CCDC146: variants seen among roughly 807,000 people sequenced by gnomAD.
The protein encoded by CCDC146 is coiled-coil domain-containing protein 146.
Under a neutral mutation model 119.3 loss-of-function variants are expected in CCDC146, and 92 were observed. The ratio of observed to expected loss-of-function variants is 0.77; its 90% CI spans 0.65 to 0.92. CCDC146 has a LOEUF of 0.92. CCDC146 is among the 40% of genes least tolerant of loss of function. CCDC146 has a pLI of 0.00. For synonymous variants in CCDC146, 372 were observed against 371.8 expected, an observed-to-expected ratio of 1.00 and a Z score of -0.01; for missense variants, 1,000 against 1,103.0, an observed-to-expected ratio of 0.91 and a Z score of 1.32.
At chr7:77,135,609 G>A (rs1790851005) in intron 1 of CCDC146, among the ~76,000 whole-genome samples, 1 of 152,136 alleles carries the variant, frequency 6.6e-6, no homozygotes, top group Admixed American at 6.5e-5. Context: ...GTTATGCATT[G>A]TCTTGCTTAA....
intron 9 of CCDC146, among the ~76,000 whole-genome samples, chr7:77,263,619 A>G (rs775880615): frequency 4.6e-4 from 70 of 152,240 alleles, no homozygotes; most frequent in Admixed American, 9.8e-4. Flanking sequence ...GATGGCACTT[A>G]TAATCTTTTC....
chr7:77,149,148 G>C (rs1791069624), intron 1 of CCDC146, among the ~76,000 whole-genome samples: 1 of 152,128 alleles, frequency 6.6e-6, no homozygotes, highest in South Asian at 2.1e-4. Context: ...CAATGGAAGA[G>C]AACAGAGGCC....
At chr7:77,249,465 C>G (rs577487623) in intron 4 of CCDC146, among the ~76,000 whole-genome samples, 1 of 129,008 alleles carries the variant, frequency 7.8e-6, no homozygotes, top group East Asian at 2.2e-4. Context: ...TCCAGCCTGG[C>G]GACAGATTGA....
At chr7:77,247,533 A>G (rs2150496825) in intron 4 of CCDC146, among the ~76,000 whole-genome samples, 1 of 152,376 alleles carries the variant, frequency 6.6e-6, no homozygotes, top group South Asian at 2.1e-4. Flanking sequence ...TGGTCTAGAC[A>G]ACTAATCTAT....
At position 77,279,110 on chromosome 7, in the gene CCDC146, TATA is replaced by T. The variant is rs1389604637; in HGVS notation, c.1694+14_1694+16del. 6.2e-7 allele frequency: 1 copy of T among 1,608,258 alleles called. No homozygotes were observed. Among genetic ancestry groups the T allele is most frequent in the Non-Finnish European group, 8.5e-7 (1 of 1,178,086 alleles). The stretch of plus-strand genomic sequence containing the variant: ...GCCGTTAGTCAAGAAAGGTAAGTGT[TATA>T]ATAACTATTGGCCTTTCAAAGGCTT... On this transcript the variant is annotated intron_variant, in intron 13 of 18. Coordinates refer to ENST00000285871, the MANE Select transcript of CCDC146 (RefSeq NM_020879.3).
At chr7:77,249,830 T>C (rs1207743940) in intron 4 of CCDC146, among the ~76,000 whole-genome samples, 2 of 152,226 alleles carry the variant, frequency 1.3e-5, no homozygotes, top group Non-Finnish European at 2.9e-5. Context: ...TGGGTTAATA[T>C]CTTCTGCCAT....
chr7:77,231,736 C>A (rs6945196), intron 2 of CCDC146, among the ~76,000 whole-genome samples: 8,862 of 151,804 alleles, frequency 0.058, 667 homozygotes, highest in African/African-American at 0.18. Context: ...ATTCTTCAAA[C>A]ATATTTATAA....
chr7:77,211,676 C>T (rs188460818), intron 2 of CCDC146, among the ~76,000 whole-genome samples: 361 of 152,012 alleles, frequency 2.4e-3, no homozygotes, highest in African/African-American at 8.2e-3. Flanking sequence ...AGTGCAGTGG[C>T]GTGATCTCAG....
chr7:77,284,790 A>G (rs1247608092), intron 15 of CCDC146, among the ~76,000 whole-genome samples: 1 of 152,050 alleles, frequency 6.6e-6, no homozygotes, highest in African/African-American at 2.4e-5. Context: ...GAACTGAGAC[A>G]TGCAGACTGT....
intron 11 of CCDC146, among the ~76,000 whole-genome samples, chr7:77,276,040 C>G (rs1789769371): frequency 6.6e-6 from 1 of 151,754 alleles, no homozygotes; most frequent in African/African-American, 2.4e-5. Context: ...AACCCCATCT[C>G]TACTGAAATA....
rs1451149557 is a variant in CCDC146 at position 77,279,102 on chromosome 7, G to C, written c.1694+1G>C. 3.7e-6 allele frequency: 6 copies of C among 1,609,858 alleles called. No individual in the cohort carries two copies. Among genetic ancestry groups the C allele is most frequent in the African/African-American group, 1.3e-5 (1 of 74,646 alleles). On this transcript the variant is annotated splice_donor_variant, in intron 13 of 18. Coordinates refer to ENST00000285871, the MANE Select transcript of CCDC146 (RefSeq NM_020879.3). LOFTEE classifies it high-confidence loss of function. ...GAAATAGTGCCGTTAGTCAAGAAAG[G>C]TAAGTGTTATAATAACTATTGGCCT... is the stretch of plus-strand genomic sequence containing the variant.
chr7:77,222,624 CA>C (rs1377790313), intron 2 of CCDC146, among the ~76,000 whole-genome samples: 4 of 152,348 alleles, frequency 2.6e-5, no homozygotes, highest in Admixed American at 2.6e-4. Flanking sequence ...TTTACAATGA[CA>C]ATCCCTTAGG....
chr7:77,277,357 G>A (rs921414496), intron 11 of CCDC146, among the ~76,000 whole-genome samples: 1 of 152,158 alleles, frequency 6.6e-6, no homozygotes, highest in Non-Finnish European at 1.5e-5. Flanking sequence ...GTATATCTAT[G>A]TGTGACTAAT....
chr7:77,263,630 A>G lies in CCDC146; in HGVS notation c.1173+1323A>G, dbSNP rs561862696. On this transcript the variant is annotated intron_variant, in intron 9 of 18. Transcript: ENST00000285871. ...GTCAGATGGCACTTATAATCTTTTC[A>G]AGAAGTTCTCTGGTTGGGCACAGTG... Among the ~76,000 whole-genome samples, 346 of 152,302 alleles carry G rather than the reference A, an allele frequency of 2.3e-3. 1 individual carries two copies. The highest frequency in any genetic ancestry group is 7.8e-3 in the African/African-American group (323 of 41,574).
chr7:77,285,669 A>T (rs994599500), intron 15 of CCDC146, among the ~76,000 whole-genome samples: 1 of 152,216 alleles, frequency 6.6e-6, no homozygotes, highest in Non-Finnish European at 1.5e-5. Context: ...AACTGAAAAT[A>T]ATGCTTGTTG....
chr7:77,199,192 T>G, intron 2 of CCDC146: 3 of 1,613,308 alleles, frequency 1.9e-6, no homozygotes, highest in Non-Finnish European at 2.5e-6. Context: ...TGGACGTGAC[T>G]GTATTTGTTC....
chr7:77,196,692 C>G lies in CCDC146; in HGVS notation c.156+28868C>G, dbSNP rs1180702086. 8.7e-6 allele frequency: 14 copies of G among 1,614,214 alleles called. No individual in the cohort carries two copies. The highest frequency in any genetic ancestry group is 1.0e-5 in the Non-Finnish European group (12 of 1,180,012). ...TCGACACCATTAAAGTCTTCAAGATCTATTCTCAGAATCATTTCCTTACTC... is the reference window on the plus strand; with the variant it reads ...TCGACACCATTAAAGTCTTCAAGATGTATTCTCAGAATCATTTCCTTACTC... On this transcript the variant is annotated intron_variant, in intron 2 of 18. Transcript: ENST00000285871. The surrounding 1 kb of genome is among the most constrained non-coding windows in gnomAD (Gnocchi z 4.2).
chr7:77,255,116 AC>A (rs1793153083), intron 5 of CCDC146, among the ~76,000 whole-genome samples: 1 of 152,166 alleles, frequency 6.6e-6, no homozygotes, highest in Non-Finnish European at 1.5e-5. Context: ...GTCACATGTC[AC>A]TAGTTGGTCA....
chr7:77,228,376 T>C (rs570268273), intron 2 of CCDC146, among the ~76,000 whole-genome samples: 85 of 152,318 alleles, frequency 5.6e-4, no homozygotes, highest in African/African-American at 1.9e-3. Context: ...GTTTTCATCA[T>C]TTAGCTCCCA....
Sources: allele counts gnomAD v4.1 joint callset (sites outside exome capture counted in the v4.1 genomes callset), GRCh38; gene constraint gnomAD v4.1.1; non-coding constraint Gnocchi (gnomAD v3.1); transcripts MANE v1.5; gene names NCBI Gene and HGNC (gene_info 2026-07-23, HGNC 2026-07-21).